Variants in ROBO2 observed in about 807,000 individuals in gnomAD.
The protein encoded by ROBO2 is roundabout homolog 2.
ROBO2 carries 53 observed loss-of-function variants against 160.8 expected under a neutral mutation model. That is an observed-to-expected ratio of 0.33 (90% CI 0.26 to 0.41). The LOEUF (loss-of-function observed/expected upper bound fraction) is 0.41, where lower values mean the gene tolerates loss of function less well. ROBO2 is among the 10% of genes least tolerant of loss of function. The pLI is 1.00. For missense variants in ROBO2, 1,577 were observed against 1,722.4 expected, an observed-to-expected ratio of 0.92 and a Z score of 1.49; for synonymous variants, 664 against 611.7, an observed-to-expected ratio of 1.09 and a Z score of -1.26.
intron 2 of ROBO2, among the ~76,000 whole-genome samples, chr3:76,626,844 A>G (rs1298470764): frequency 2.0e-5 from 3 of 151,872 alleles, no homozygotes; most frequent in African/African-American, 7.3e-5. Flanking sequence ...AGGCGCCACC[A>G]CCACACCCAG....
intron 2 of ROBO2, among the ~76,000 whole-genome samples, chr3:76,785,290 T>C (rs1276900129): frequency 6.6e-6 from 1 of 151,292 alleles, no homozygotes; most frequent in East Asian, 2.0e-4. Context: ...AAGTGTACTG[T>C]ATTTTAATTG....
intron 2 of ROBO2, among the ~76,000 whole-genome samples, chr3:77,348,489 C>A (rs1377917026): frequency 1.3e-5 from 2 of 152,056 alleles, no homozygotes; most frequent in African/African-American, 4.8e-5. Flanking sequence ...TCAGCAAGGT[C>A]CTTCTGACCT....
At chr3:77,640,097 A>ATTTTTTTTTTTTTTTTTT (rs71104695) in intron 24 of ROBO2, among the ~76,000 whole-genome samples, 8 of 65,486 alleles carry the variant, frequency 1.2e-4, no homozygotes, top group South Asian at 9.0e-4. Context: ...CAGAGGAAGC[A>ATTTTTTTTTTTTTTTTTT]TTTTTTTTTT....
chr3:76,991,748 A>G (rs1216638784), intron 2 of ROBO2, among the ~76,000 whole-genome samples: 2 of 152,216 alleles, frequency 1.3e-5, no homozygotes, highest in Non-Finnish European at 2.9e-5. Flanking sequence ...GATTTGCAAT[A>G]AGAAACCAAG....
At chr3:76,946,341 C>T (rs556394291) in intron 2 of ROBO2, among the ~76,000 whole-genome samples, 1 of 152,248 alleles carries the variant, frequency 6.6e-6, no homozygotes, top group Admixed American at 6.5e-5. Flanking sequence ...CACACACGTA[C>T]TGATTACCAC....
rs1394352602 is a variant in ROBO2, at chr3:77,328,008, A to T, written c.389-149406A>T. Among the ~76,000 whole-genome samples, 64 of 142,888 alleles carry T rather than the reference A, an allele frequency of 4.5e-4. 1 individual carries two copies. The highest frequency in any genetic ancestry group is 1.7e-3 in the African/African-American group (64 of 38,206). The allele number at this position is 142,888 out of a possible 152,430, so 93.7% of individuals were successfully genotyped here. ...GGAGACAGAGGCAGAGGTTGCAGTG[A>T]GTGGAGATCGCACCACTGCCTTCCA... On this transcript the variant is annotated intron_variant, in intron 2 of 25. Coordinates refer to ENST00000461745, the Ensembl canonical transcript of ROBO2.
At chr3:76,150,960 C>T (rs1029500241) in intron 2 of ROBO2, among the ~76,000 whole-genome samples, 3 of 152,110 alleles carry the variant, frequency 2.0e-5, no homozygotes, top group Non-Finnish European at 4.4e-5. Context: ...AGTTGAAAGG[C>T]ATACACCATT....
chr3:76,541,277 A>G (rs765069083), intron 2 of ROBO2, among the ~76,000 whole-genome samples: 40 of 152,158 alleles, frequency 2.6e-4, no homozygotes, highest in Non-Finnish European at 5.0e-4. Context: ...TTAACATCTA[A>G]TACTCTTTAC....
intron 2 of ROBO2, among the ~76,000 whole-genome samples, chr3:77,341,591 A>G (rs75737938): frequency 0.01 from 1,545 of 152,242 alleles, 19 homozygotes; most frequent in Middle Eastern, 0.017. Context: ...TAATGAAAAG[A>G]AATATCCTCA....
intron 2 of ROBO2, among the ~76,000 whole-genome samples, chr3:77,442,444 A>G (rs1159973290): frequency 6.6e-6 from 1 of 152,166 alleles, no homozygotes; most frequent in African/African-American, 2.4e-5. Context: ...TAATTTTCAA[A>G]CTTTTTTCAC....
intron 2 of ROBO2, among the ~76,000 whole-genome samples, chr3:77,023,809 C>G (rs2149518059): frequency 6.6e-6 from 1 of 152,234 alleles, no homozygotes. Context: ...TTTAATGAGT[C>G]TGTTAGCCTA....
intron 2 of ROBO2, among the ~76,000 whole-genome samples, chr3:76,826,378 T>C (rs1035549232): frequency 6.6e-6 from 1 of 152,086 alleles, no homozygotes; most frequent in African/African-American, 2.4e-5. Context: ...TGCAGAGATA[T>C]GGTTGTAGTA....
intron 2 of ROBO2, among the ~76,000 whole-genome samples, chr3:76,576,662 GTTTT>G (rs2085308207): frequency 1.1e-5 from 1 of 87,394 alleles, no homozygotes; most frequent in Non-Finnish European, 2.5e-5. Flanking sequence ...TACCCTTTGT[GTTTT>G]GTTTATTATT....
At chr3:76,655,301 A>G (rs2091455154) in intron 2 of ROBO2, among the ~76,000 whole-genome samples, 4 of 150,572 alleles carry the variant, frequency 2.7e-5, no homozygotes, top group Admixed American at 2.7e-4. Context: ...CTAAACACAA[A>G]CAAGGTATAA....
intron 1 of ROBO2, among the ~76,000 whole-genome samples, chr3:77,045,335 A>G (rs1039359363): frequency 5.9e-5 from 9 of 152,134 alleles, no homozygotes; most frequent in Admixed American, 2.6e-4. Context: ...TTTGCAGCCA[A>G]TCCTTAGGCT....
intron 2 of ROBO2, among the ~76,000 whole-genome samples, chr3:77,105,137 T>G (rs991518179): frequency 1.3e-5 from 2 of 152,226 alleles, no homozygotes; most frequent in Non-Finnish European, 2.9e-5. Flanking sequence ...AGGTTCAGAC[T>G]AAGAAATTAA....
exon 2 of ROBO2, chr3:75,937,540 C>A: frequency 6.3e-7 from 1 of 1,578,320 alleles, no homozygotes. Flanking sequence ...TGGACATGGG[C>A]TCCGGGACTG....
chr3:76,239,029 A>T (rs1159597254), intron 2 of ROBO2, among the ~76,000 whole-genome samples: 2 of 152,174 alleles, frequency 1.3e-5, no homozygotes, highest in Non-Finnish European at 2.9e-5. Context: ...AACTTGCTAG[A>T]TACTCAAATT....
At chr3:76,274,561 G>A (rs1019445607) in intron 2 of ROBO2, among the ~76,000 whole-genome samples, 1 of 151,970 alleles carries the variant, frequency 6.6e-6, no homozygotes, top group Non-Finnish European at 1.5e-5. Context: ...TAGCAGGGCC[G>A]GGCACGGTGG....
Sources: allele counts gnomAD v4.1 joint callset (sites outside exome capture counted in the v4.1 genomes callset), GRCh38; gene constraint gnomAD v4.1.1; transcripts MANE v1.5; gene names NCBI Gene and HGNC (gene_info 2026-07-23, HGNC 2026-07-21).